RTF1: variants seen among roughly 807,000 people sequenced by gnomAD.
RTF1 encodes the protein RTF1 homolog, Paf1/RNA polymerase II complex component, also known as RNA polymerase-associated protein RTF1 homolog.
In RTF1, 10 loss-of-function variants were observed where a neutral mutation model predicts 95.7. The ratio of observed to expected loss-of-function variants is 0.10; its 90% CI spans 0.06 to 0.18. The LOEUF is 0.18. Ranked by LOEUF, RTF1 falls within the 10% of genes least tolerant of loss-of-function variation. The probability of loss-of-function intolerance (pLI) is 1.00; values close to 1 mark genes in which losing one functional copy is unlikely to be tolerated. For missense variants in RTF1, 458 were observed against 875.6 expected, an observed-to-expected ratio of 0.52 and a Z score of 6.02; for synonymous variants, 305 against 311.8, an observed-to-expected ratio of 0.98 and a Z score of 0.23.
chr15:41,442,722 C>A (rs2050741952), intron 2 of RTF1, among the ~76,000 whole-genome samples: 1 of 151,930 alleles, frequency 6.6e-6, no homozygotes, highest in Non-Finnish European at 1.5e-5. Flanking sequence ...CCTGTCTCTA[C>A]TAAAAATGCA....
At chr15:41,418,638 C>T (rs1240462338) in intron 1 of RTF1, among the ~76,000 whole-genome samples, 2 of 151,928 alleles carry the variant, frequency 1.3e-5, no homozygotes, top group East Asian at 3.9e-4. Flanking sequence ...TGGAGAAACC[C>T]CATCTCTACT....
At chr15:41,476,666 ACCTGGGCAACGTT>A in intron 12 of RTF1, 143 bp downstream of exon 12, 1 of 701,978 alleles carries the variant, frequency 1.4e-6, no homozygotes, top group East Asian at 2.8e-5. Flanking sequence ...TGTTCTTGGC[ACCTGGGCAACGTT>A]CCTTGGCCAT....
In RTF1 at chr15:41,482,224, AACTG is replaced by A. The variant is rs1392007942; in HGVS notation, c.*1542_*1545del. 3 of 152,678 alleles carry A rather than the reference AACTG, an allele frequency of 2.0e-5. No individual in the cohort carries two copies. The highest frequency in any genetic ancestry group is 2.9e-5 in the Non-Finnish European group (2 of 68,056). 9.5% of individuals were successfully genotyped at this position (152,678 alleles called of 1,614,324 possible). On this transcript the variant is annotated 3_prime_UTR_variant, in exon 18 of 18. Coordinates refer to ENST00000389629, the MANE Select transcript of RTF1 (RefSeq NM_015138.5). The stretch of plus-strand genomic sequence containing the variant: ...TTTATGAAATGTTTGAAAAGAGATA[AACTG>A]ACTGCTTGATAATCACTCTCAGGTG...
At chr15:41,442,000 T>C (rs770978066) in intron 2 of RTF1, among the ~76,000 whole-genome samples, 6 of 152,212 alleles carry the variant, frequency 3.9e-5, no homozygotes, top group Non-Finnish European at 1.5e-5. Flanking sequence ...AGAAAATAAC[T>C]ATTAAAATCT....
At chr15:41,429,655 T>C (rs1350563436) in intron 1 of RTF1, among the ~76,000 whole-genome samples, 1 of 152,120 alleles carries the variant, frequency 6.6e-6, no homozygotes, top group African/African-American at 2.4e-5. Flanking sequence ...TTAGTCACAG[T>C]TTCTCTTTCA....
chr15:41,431,231 T>TC (rs1356306723), intron 1 of RTF1, among the ~76,000 whole-genome samples: 1 of 149,430 alleles, frequency 6.7e-6, no homozygotes, highest in East Asian at 2.0e-4. Context: ...TTTTTTTTTT[T>TC]GAGAAGGAGT....
intron 2 of RTF1, among the ~76,000 whole-genome samples, chr15:41,439,139 C>T (rs1446318960): frequency 6.6e-6 from 1 of 151,112 alleles, no homozygotes; most frequent in African/African-American, 2.4e-5. Context: ...TCACGCCATT[C>T]TCCTGCCTCA....
At chr15:41,438,675 A>T (rs2050717269) in intron 2 of RTF1, among the ~76,000 whole-genome samples, 1 of 152,086 alleles carries the variant, frequency 6.6e-6, no homozygotes, top group Non-Finnish European at 1.5e-5. Flanking sequence ...AGCCTGGCCA[A>T]CATGGTGAAA....
At chr15:41,455,521 G>T (rs2050809037) in intron 3 of RTF1, among the ~76,000 whole-genome samples, 1 of 151,934 alleles carries the variant, frequency 6.6e-6, no homozygotes, top group Non-Finnish European at 1.5e-5. Flanking sequence ...ATGATATAAT[G>T]GGGCCAGGTG....
chr15:41,477,735 C>T (rs1595441486), intron 14 of RTF1, among the ~76,000 whole-genome samples: 1 of 152,232 alleles, frequency 6.6e-6, no homozygotes, highest in Admixed American at 6.5e-5. Flanking sequence ...TTAGATTCTA[C>T]TCCACAGGTA....
chr15:41,421,419 G>A (rs2140943307), intron 1 of RTF1, among the ~76,000 whole-genome samples: 1 of 150,048 alleles, frequency 6.7e-6, no homozygotes, highest in East Asian at 2.0e-4. Flanking sequence ...TCGTGCCATT[G>A]CACTCCAGCC....
chr15:41,478,965 GC>G, intron 15 of RTF1, 137 bp from the exon 16 acceptor site: 1 of 483,968 alleles, frequency 2.1e-6, no homozygotes, highest in Non-Finnish European at 3.5e-6. Flanking sequence ...TTTTTTTGCT[GC>G]TTTGAGGAAA....
intron 3 of RTF1, among the ~76,000 whole-genome samples, chr15:41,454,438 T>C (rs569576173): frequency 6.6e-4 from 101 of 152,160 alleles, no homozygotes; most frequent in Admixed American, 1.3e-3. Context: ...AAAAAGAAAT[T>C]ATAGGGTTAG....
chr15:41,417,456 C>A, intron 1 of RTF1, 143 bp downstream of exon 1: 1 of 697,840 alleles, frequency 1.4e-6, no homozygotes, highest in Non-Finnish European at 2.0e-6. Context: ...GCCCCTTTCC[C>A]GTCTTCCTGG....
In RTF1 at chr15:41,427,940, C is replaced by T. The variant is rs538378929; in HGVS notation, c.199-10381C>T. 2.0e-5 allele frequency among the ~76,000 whole-genome samples: 3 copies of T among 152,046 alleles called. No individual in the cohort carries two copies. The South Asian group carries it at 6.2e-4, about 32-fold the overall frequency. On this transcript the variant is annotated intron_variant, in intron 1 of 17. Transcript: ENST00000389629. ...TAGCTGGGATTACAAGTGTCCGCCA[C>T]CACACCTGGCTAATTTTTGTATTTT...
chr15:41,474,659 TA>T lies in RTF1; in HGVS notation c.1244del (p.Tyr415SerfsTer3). Reference protein sequence around the residue: ...ITGVVETAKVYQLGGTRTNKG... With the variant: ...ITGVVETAKVXQLGGTRTNKG... ...GGGTGTTGTGGAAACTGCCAAAGTT[TA>T]CCAACTAGGTGGCACCAGAACAAAC... On this transcript the variant is annotated frameshift_variant, in exon 9 of 18. Transcript: ENST00000389629. LOFTEE classifies it high-confidence loss of function. 6.2e-7 allele frequency: 1 copy of T among 1,614,160 alleles called. No homozygotes were observed. Among genetic ancestry groups the T allele is most frequent in the Non-Finnish European group, 8.5e-7 (1 of 1,180,002 alleles).
At position 41,474,611 on chromosome 15, in the gene RTF1, C is replaced by T. The variant is rs1411777335; in HGVS notation, c.1204-9C>T. The T allele has an allele frequency of 1.2e-6, 2 of 1,609,642 alleles. No homozygotes were observed. The highest frequency in any genetic ancestry group is 1.7e-4 in the Middle Eastern group (1 of 6,058). On this transcript the variant is annotated splice_polypyrimidine_tract_variant and intron_variant, in intron 8 of 17. Coordinates refer to ENST00000389629, the MANE Select transcript of RTF1 (RefSeq NM_015138.5). Reference sequence around the variant, plus strand: ...TGGTTTTGACTGGCGTCTCTGTCCTCTCACTTAGGTCGCTGAGATTACGGG... The same window carrying T: ...TGGTTTTGACTGGCGTCTCTGTCCTTTCACTTAGGTCGCTGAGATTACGGG...
chr15:41,458,900 A>G (rs1354870949), intron 4 of RTF1, among the ~76,000 whole-genome samples: 2 of 151,332 alleles, frequency 1.3e-5, no homozygotes, highest in Non-Finnish European at 2.9e-5. Flanking sequence ...GGTGAAACCC[A>G]TCTCTACTAA....
intron 2 of RTF1, among the ~76,000 whole-genome samples, chr15:41,438,658 C>T (rs746047883): frequency 2.6e-4 from 39 of 151,910 alleles, no homozygotes; most frequent in Admixed American, 1.3e-4. Flanking sequence ...GTCAGGAGTT[C>T]GAGACCAGCC....
Sources: gnomAD v4.1 joint callset for allele counts (sites outside exome capture counted in the v4.1 genomes callset) on GRCh38, gnomAD v4.1.1 for gene constraint, MANE v1.5 for transcripts, NCBI Gene and HGNC (gene_info 2026-07-23, HGNC 2026-07-21) for gene names.